CPZ: variants seen among roughly 807,000 people sequenced by gnomAD.
The protein encoded by CPZ is carboxypeptidase Z, also known as VEZT/CPZ fusion.
CPZ carries 103 observed loss-of-function variants against 61.8 expected under a neutral mutation model. The observed-to-expected ratio is 1.67, with a 90% CI of 1.42 to 1.96. The LOEUF (loss-of-function observed/expected upper bound fraction) is 1.96. Among genes scored for constraint, CPZ ranks in the 30% most tolerant of loss-of-function variants. The pLI, the probability that CPZ is intolerant of heterozygous loss-of-function variation, is 0.00. For missense variants in CPZ, 1,461 were observed against 914.9 expected (o/e 1.60, Z -7.70); for synonymous variants, 551 against 373.7 (o/e 1.47, Z -5.47).
chr4:8,600,947 T>C, intron 2 of CPZ, 176 bp from the exon 3 acceptor site: 2 of 1,351,016 alleles, frequency 1.5e-6, no homozygotes, highest in Non-Finnish European at 1.9e-6. Flanking sequence ...CCTCCTCTGG[T>C]CTCTCACAGG....
chr4:8,602,510 A>G (rs1288800679), intron 3 of CPZ: 1 of 152,298 alleles, frequency 6.6e-6, no homozygotes, highest in African/African-American at 2.4e-5. Context: ...GTGTCCGCTC[A>G]TGGTTGGGTT....
intron 8 of CPZ, 50 bp downstream of exon 8, chr4:8,612,212 C>CGGGGGG: frequency 1.5e-5 from 1 of 64,646 alleles, no homozygotes; most frequent in Non-Finnish European, 2.7e-5. Flanking sequence ...GGTGCAGGGG[C>CGGGGGG]TGGGTGGGGC....
At chr4:8,605,322 T>TCCATCCATC (rs1714858554) in intron 4 of CPZ, among the ~76,000 whole-genome samples, 1 of 149,978 alleles carries the variant, frequency 6.7e-6, no homozygotes, top group African/African-American at 2.5e-5. Flanking sequence ...ATTCATTTAT[T>TCCATCCATC]CATCCATCCA....
intron 1 of CPZ, among the ~76,000 whole-genome samples, chr4:8,596,522 G>T (rs555607605): frequency 2.6e-5 from 4 of 152,328 alleles, no homozygotes; most frequent in Admixed American, 1.3e-4. Flanking sequence ...GCTTATTGTG[G>T]GGTCACAGGG....
chr4:8,614,580 C>G (rs150224995), intron 9 of CPZ, 82 bp downstream of exon 9: 3 of 1,453,690 alleles, frequency 2.1e-6, no homozygotes, highest in Non-Finnish European at 2.8e-6. Flanking sequence ...GGGCAGCCCC[C>G]GTAGCCTCAC....
Position 8,595,795 on chromosome 4 carries a change from C to T in CPZ, c.88+2874C>T, listed in dbSNP as rs114011874. ...GAAATCTGATTCAGATGAGGCCTCA[C>T]GGGATTAGGGCAGGCCCTAAGCCAA... On this transcript the variant is annotated intron_variant, in intron 1 of 10. Coordinates refer to ENST00000360986, the MANE Select transcript of CPZ (RefSeq NM_001014447.3). Among the ~76,000 whole-genome samples the T allele has an allele frequency of 4.6e-3, 704 of 152,316 alleles. 7 individuals carry two copies. Among genetic ancestry groups the T allele is most frequent in the Non-Finnish European group, 7.7e-3 (523 of 68,042 alleles).
At position 8,592,895 on chromosome 4, in the gene CPZ, G is replaced by T. The variant is rs1281181121; in HGVS notation, c.62G>T (p.Gly21Val). ...TVLVVAAARP[G>V]CEFERNPAGE... ...CTGGTCGTCGCCGCTGCCCGGCCGG[G>T]GTGCGAGTTTGAGCGGAACCCCGCC... Residue 21 changes from glycine (G) to valine (V), a missense_variant, in exon 1 of 11, where the codon GGG becomes GTG. By Grantham distance (109) the Gly-to-Val change is moderately radical. Transcript: ENST00000360986. 1 of 1,535,330 alleles carries T rather than the reference G, an allele frequency of 6.5e-7. No individual in the cohort carries two copies. The highest frequency in any genetic ancestry group is 8.7e-7 in the Non-Finnish European group (1 of 1,144,356).
In CPZ at chr4:8,619,633, C is replaced by G. The variant is rs779569128; in HGVS notation, c.*16C>G. 1.4e-6 allele frequency: 2 copies of G among 1,478,310 alleles called. No individual in the cohort carries two copies. Among genetic ancestry groups the G allele is most frequent in the Non-Finnish European group, 1.8e-6 (2 of 1,115,920 alleles). 91.6% of individuals were successfully genotyped at this position (1,478,310 alleles called of 1,614,324 possible). On this transcript the variant is annotated 3_prime_UTR_variant, in exon 11 of 11. Transcript: ENST00000360986. ...CAAGTACTAGCCCCGGCCCCAGCACCCGCCAGGATGTGGAGACCGAGGCCC... is the reference window on the plus strand; with the variant it reads ...CAAGTACTAGCCCCGGCCCCAGCACGCGCCAGGATGTGGAGACCGAGGCCC...
In CPZ at chr4:8,604,040, C is replaced by T. The variant is rs1439325252; in HGVS notation, c.561C>T (p.His187=). 1 of 1,612,212 alleles carries T rather than the reference C, an allele frequency of 6.2e-7. No homozygotes were observed. Among genetic ancestry groups the T allele is most frequent in the Admixed American group, 1.7e-5 (1 of 60,024 alleles). Residue 187 remains histidine, a synonymous_variant, in exon 4 of 11, where the codon CAC becomes CAT. Coordinates refer to ENST00000360986, the MANE Select transcript of CPZ (RefSeq NM_001014447.3). ...GLPPTFIRFS[H]HSYAQMVRVL... ...CGCCCACCTTCATCCGCTTCAGCCA[C>T]CACTCCTACGCCCAGATGGTGCGTG... is the stretch of plus-strand genomic sequence containing the variant.
chr4:8,619,511 C>A lies in CPZ; in HGVS notation c.1853C>A (p.Pro618Gln). 6.3e-7 allele frequency: 1 copy of A among 1,598,556 alleles called. No individual in the cohort carries two copies. The highest frequency in any genetic ancestry group is 2.2e-5 in the East Asian group (1 of 44,590). Reference sequence around the variant, plus strand: ...TTGGGGGAGGCCACGGAGCCCGACCCGCTCCGGGCGCGCAGGCAGCCCTCG... The same window carrying A: ...TTGGGGGAGGCCACGGAGCCCGACCAGCTCCGGGCGCGCAGGCAGCCCTCG... ...SSLGEATEPDPLRARRQPSAD... is the reference protein window; with the variant it reads ...SSLGEATEPDQLRARRQPSAD... Residue 618 changes from proline (P) to glutamine (Q), a missense_variant, in exon 11 of 11, where the codon CCG becomes CAG. Coordinates refer to ENST00000360986, the MANE Select transcript of CPZ (RefSeq NM_001014447.3).
At chr4:8,609,616 C>G (rs189079057) in intron 7 of CPZ, among the ~76,000 whole-genome samples, 1 of 152,200 alleles carries the variant, frequency 6.6e-6, no homozygotes, top group Non-Finnish European at 1.5e-5. Flanking sequence ...TCTGCACAGG[C>G]CCAGTGTGTC....
intron 1 of CPZ, among the ~76,000 whole-genome samples, chr4:8,596,806 A>T (rs1714215467): frequency 6.6e-6 from 1 of 152,312 alleles, no homozygotes; most frequent in South Asian, 2.1e-4. Flanking sequence ...TGGTCCAGTC[A>T]CTTGTGTGGG....
At chr4:8,607,582 G>A (rs1247223043) in intron 7 of CPZ, among the ~76,000 whole-genome samples, 157 bp downstream of exon 7, 7 of 152,158 alleles carry the variant, frequency 4.6e-5, no homozygotes, top group Non-Finnish European at 8.8e-5. Context: ...CAGCTCTGCA[G>A]GGAAGCCCCT....
chr4:8,601,398 T>C lies in CPZ; in HGVS notation c.397T>C (p.Phe133Leu). The C allele has an allele frequency of 6.3e-7, 1 of 1,591,356 alleles. No individual in the cohort carries two copies. The highest frequency in any genetic ancestry group is 2.3e-5 in the East Asian group (1 of 43,764). Residue 133 changes from phenylalanine (F) to leucine (L), a missense_variant, in exon 3 of 11, where the codon TTC becomes CTC. Phe to Leu is a conservative substitution (Grantham distance 22). Transcript: ENST00000360986. The part of the protein sequence containing the change: ...EGLREVCQPA[F>L]DAIDMAWPYF... ...CCTGCGGGAGGTCTGCCAGCCCGCC[T>C]TCGACGCCATTGACATGGCCTGGCC...
intron 1 of CPZ, among the ~76,000 whole-genome samples, chr4:8,594,775 CTT>C (rs35276800): frequency 0.37 from 52,456 of 141,748 alleles, 9,455 homozygotes; most frequent in African/African-American, 0.45. Context: ...ATAACAAATT[CTT>C]TTTTTTTTTT....
intron 4 of CPZ, 87 bp from the exon 5 acceptor site, chr4:8,605,901 TG>T: frequency 7.6e-7 from 1 of 1,315,092 alleles, no homozygotes; most frequent in Non-Finnish European, 1.1e-6. Flanking sequence ...CCAGCCCATC[TG>T]GTCATTCTTG....
In CPZ at chr4:8,607,338, T is replaced by C. The variant is rs1715120178; in HGVS notation, c.1140T>C (p.His380=). 4 of 1,613,982 alleles carry C rather than the reference T, an allele frequency of 2.5e-6. No individual in the cohort carries two copies. The highest frequency in any genetic ancestry group is 3.4e-6 in the Non-Finnish European group (4 of 1,179,984). ...CCTTTGTGCTCTCAGCCAGCCTTCA[T>C]GGGGGCGACCTGGTGGTGTCCTACC... The part of the protein sequence containing the change: ...TIPFVLSASL[H]GGDLVVSYPF... Residue 380 remains histidine, a synonymous_variant, in exon 7 of 11, where the codon CAT becomes CAC. Transcript: ENST00000360986.
Position 8,618,499 on chromosome 4 carries a change from T to A in CPZ, c.1574T>A (p.Val525Asp), listed in dbSNP as rs774737155. Residue 525 changes from valine to aspartate, a missense_variant, in exon 10 of 11, where the codon GTC becomes GAC. By Grantham distance (152) the Val-to-Asp change is radical. Transcript: ENST00000360986. ...GKPVKNARISVKGIRHDITTA... is the reference protein window; with the variant it reads ...GKPVKNARISDKGIRHDITTA... ...CCAGTCAAAAACGCCCGGATCTCAG[T>A]CAAAGGCATTCGCCACGACATCACC... 1.2e-6 allele frequency: 2 copies of A among 1,613,978 alleles called. No individual in the cohort carries two copies. Among genetic ancestry groups the A allele is most frequent in the Non-Finnish European group, 1.7e-6 (2 of 1,180,002 alleles).
At chr4:8,607,735 C>T (rs1045281872) in intron 7 of CPZ, among the ~76,000 whole-genome samples, 1 of 152,192 alleles carries the variant, frequency 6.6e-6, no homozygotes, top group African/African-American at 2.4e-5. Context: ...GAGCTCCGCC[C>T]CGCGCCTGGC....
Sources: allele counts gnomAD v4.1 joint callset (sites outside exome capture counted in the v4.1 genomes callset), GRCh38; gene constraint gnomAD v4.1.1; transcripts MANE v1.5; gene names NCBI Gene and HGNC (gene_info 2026-07-23, HGNC 2026-07-21).